Variants in CFAP52 observed in about 807,000 individuals in gnomAD.
The protein encoded by CFAP52 is cilia- and flagella-associated protein 52.
In CFAP52, 57 loss-of-function variants were observed where a neutral mutation model predicts 70.5. The ratio of observed to expected loss-of-function variants is 0.81; its 90% CI spans 0.65 to 1.01. CFAP52 has a LOEUF of 1.01. Ranked by LOEUF, CFAP52 falls within the 50% of genes least tolerant of loss-of-function variation. CFAP52 has a pLI of 0.00. For synonymous variants in CFAP52, 267 were observed against 292.5 expected, an observed-to-expected ratio of 0.91 and a Z score of 0.89; for missense variants, 785 against 788.5, an observed-to-expected ratio of 1.00 and a Z score of 0.05.
intron 12 of CFAP52, 90 bp from the exon 13 acceptor site, chr17:9,641,634 C>T: frequency 7.8e-6 from 7 of 900,496 alleles, no homozygotes; most frequent in South Asian, 3.1e-5. Context: ...TTGCTCCCTT[C>T]TATATAAAGT....
rs73975767 is a variant in CFAP52 at position 9,639,040 on chromosome 17, G to C, written c.1575+329G>C. ...GAATTTCTGAGACTGGAGTAGAATT[G>C]CTGTGCCCAAACCGGTTATCACTTT... On this transcript the variant is annotated intron_variant, in intron 12 of 13. Coordinates refer to ENST00000352665, the MANE Select transcript of CFAP52 (RefSeq NM_145054.5). 1.8e-3 allele frequency: 485 copies of C among 267,600 alleles called. 4 individuals carry two copies. Among genetic ancestry groups the C allele is most frequent in the African/African-American group, 9.4e-3 (432 of 46,022 alleles). The allele number at this position is 267,600 out of a possible 1,614,324, so 16.6% of individuals were successfully genotyped here.
chr17:9,605,781 T>A (rs1343904094), intron 6 of CFAP52, among the ~76,000 whole-genome samples: 2 of 151,146 alleles, frequency 1.3e-5, no homozygotes, highest in African/African-American at 4.9e-5. Context: ...GCACAGAGGA[T>A]GTTTTGGGCA....
chr17:9,576,713 G>GC lies in CFAP52; in HGVS notation c.20dup (p.Glu8GlyfsTer10). 6.2e-7 allele frequency: 1 copy of GC among 1,612,216 alleles called. No individual in the cohort carries two copies. Among genetic ancestry groups the GC allele is most frequent in the Non-Finnish European group, 8.5e-7 (1 of 1,179,104 alleles). On this transcript the variant is annotated frameshift_variant, in exon 1 of 14. Transcript: ENST00000352665. LOFTEE classifies it high-confidence loss of function. ...TCCCAAGGATGGATAACAAAATTTC[G>GC]CCGGAGGCCCAAGTGGCGGAGCTGG... is the stretch of plus-strand genomic sequence containing the variant.
At chr17:9,638,348 C>T (rs1345329990) in intron 11 of CFAP52, among the ~76,000 whole-genome samples, 1 of 152,102 alleles carries the variant, frequency 6.6e-6, no homozygotes, top group Non-Finnish European at 1.5e-5. Context: ...GTTTCGTGCT[C>T]TGTCTTTAGG....
In CFAP52 at chr17:9,576,669, G is replaced by C; in HGVS notation, c.-27G>C. ...AAGACGCTGCAGCCACTAGGGAGGA[G>C]AGCAAAGTAATCAGAACCTCCCAAG... On this transcript the variant is annotated 5_prime_UTR_variant, in exon 1 of 14. Transcript: ENST00000352665. 6.3e-7 allele frequency: 1 copy of C among 1,598,396 alleles called. No individual in the cohort carries two copies. Among genetic ancestry groups the C allele is most frequent in the Non-Finnish European group, 8.5e-7 (1 of 1,170,768 alleles).
In CFAP52 at chr17:9,585,774, A is replaced by T. The variant is rs1172624739; in HGVS notation, c.72A>T (p.Gly24=). 8 of 1,614,036 alleles carry T rather than the reference A, an allele frequency of 5.0e-6. No homozygotes were observed. In the South Asian group the frequency reaches 8.8e-5, roughly 18 times the overall value. Residue 24 remains glycine, a splice_region_variant and synonymous_variant, in exon 2 of 14, where the codon GGA becomes GGT. Coordinates refer to ENST00000352665, the MANE Select transcript of CFAP52 (RefSeq NM_145054.5). ...LELDAVIGFN[G]HVPTGLKCHP... is the part of the protein sequence containing the mutation. ...TTACTGTGAATCTCTCTCTTTTAGG[A>T]CATGTGCCCACTGGTCTCAAATGCC...
intron 12 of CFAP52, chr17:9,638,987 A>G (rs986118308): frequency 2.5e-6 from 1 of 405,510 alleles, no homozygotes; most frequent in African/African-American, 2.0e-5. Context: ...CATAGTAGGT[A>G]CTCAATAGAT....
intron 7 of CFAP52, 108 bp downstream of exon 7, chr17:9,608,327 A>T (rs1024720194): frequency 8.9e-6 from 8 of 903,246 alleles, no homozygotes; most frequent in Non-Finnish European, 1.3e-5. Flanking sequence ...TGGTTAAAAA[A>T]TTTCATCTTG....
At chr17:9,589,071 C>T (rs566295347) in intron 3 of CFAP52, among the ~76,000 whole-genome samples, 205 of 152,198 alleles carry the variant, frequency 1.3e-3, no homozygotes, top group African/African-American at 4.8e-3. Context: ...CACTGCACTC[C>T]AGCCTAGGTA....
chr17:9,645,531 G>A, downstream of CFAP52: 1 of 1,076,472 alleles, frequency 9.3e-7, no homozygotes, highest in South Asian at 4.7e-5. The surrounding 1 kb of genome is among the most constrained non-coding windows in gnomAD (Gnocchi z 6.8). Context: ...CTGGCCCGCA[G>A]GTAGCCGGCA....
At chr17:9,610,265 C>T (rs534912902) in intron 7 of CFAP52, 1 of 152,330 alleles carries the variant, frequency 6.6e-6, no homozygotes, top group Admixed American at 6.5e-5. Context: ...AATTAACCTT[C>T]TAATTTTTTA....
chr17:9,577,305 A>G lies in CFAP52; in HGVS notation c.70+540A>G, dbSNP rs77537820. On this transcript the variant is annotated intron_variant, in intron 1 of 13. Coordinates refer to ENST00000352665, the MANE Select transcript of CFAP52 (RefSeq NM_145054.5). ...CTCTAATCCTAAGGAAGGTTTCTAA[A>G]TGATGAGGATTTCAGACCAGGACAG... 6.0e-3 allele frequency among the ~76,000 whole-genome samples: 913 copies of G among 151,998 alleles called. 5 individuals carry two copies. The highest frequency in any genetic ancestry group is 0.021 in the African/African-American group (874 of 41,268).
intron 1 of CFAP52, among the ~76,000 whole-genome samples, chr17:9,577,170 G>T (rs1229102716): frequency 6.6e-6 from 1 of 152,160 alleles, no homozygotes; most frequent in Non-Finnish European, 1.5e-5. Context: ...GTCTGTGTCG[G>T]CCCCTGGGAC....
intron 7 of CFAP52, among the ~76,000 whole-genome samples, chr17:9,609,210 G>T (rs1372955158): frequency 2.0e-5 from 3 of 148,766 alleles, no homozygotes; most frequent in Non-Finnish European, 4.5e-5. Context: ...AGGTGCTTAG[G>T]ATATCTCAGT....
At chr17:9,597,995 C>G (rs558877665) in intron 4 of CFAP52, among the ~76,000 whole-genome samples, 6 of 152,128 alleles carry the variant, frequency 3.9e-5, no homozygotes, top group South Asian at 4.2e-4. Context: ...GAGACGGAGC[C>G]AGGTGTGAAT....
chr17:9,587,719 T>C (rs750390388), intron 3 of CFAP52, among the ~76,000 whole-genome samples: 1 of 152,168 alleles, frequency 6.6e-6, no homozygotes, highest in African/African-American at 2.4e-5. Context: ...GAGTTTTTGT[T>C]TTATCTTATA....
rs774501117 is a variant in CFAP52, at chr17:9,594,343, T to C, written c.536+22T>C. 6.9e-6 allele frequency: 11 copies of C among 1,603,406 alleles called. No individual in the cohort carries two copies. In the South Asian group the frequency reaches 1.2e-4, roughly 18 times the overall value. On this transcript the variant is annotated intron_variant, in intron 4 of 13. Transcript: ENST00000352665. ...GAAAGTATGTGTCTGCGTTCGGAGT[T>C]TTCAGAACTCATAAATTGCTATATT...
chr17:9,593,496 C>T (rs572442275), intron 3 of CFAP52, among the ~76,000 whole-genome samples: 1 of 152,284 alleles, frequency 6.6e-6, no homozygotes, highest in South Asian at 2.1e-4. Context: ...CGCTCTCTTG[C>T]CCAGGCTGGA....
At chr17:9,640,854 G>A (rs1193775972) in intron 12 of CFAP52, among the ~76,000 whole-genome samples, 2 of 152,054 alleles carry the variant, frequency 1.3e-5, no homozygotes, top group Non-Finnish European at 2.9e-5. Flanking sequence ...ATATTGCCCA[G>A]GCTGGTCTCG....
Sources: allele counts gnomAD v4.1 joint callset (sites outside exome capture counted in the v4.1 genomes callset), GRCh38; gene constraint gnomAD v4.1.1; non-coding constraint Gnocchi (gnomAD v3.1); transcripts MANE v1.5; gene names NCBI Gene and HGNC (gene_info 2026-07-23, HGNC 2026-07-21).